Variants in GPHN observed in about 807,000 individuals in gnomAD.
The protein encoded by GPHN is gephyrin.
A neutral mutation model predicts 95.5 loss-of-function variants in GPHN; 17 were observed. The ratio of observed to expected loss-of-function variants is 0.18; its 90% CI spans 0.12 to 0.27. The LOEUF is 0.27. GPHN is among the 10% of genes least tolerant of loss of function. The pLI is 1.00. For missense variants in GPHN, 660 were observed against 978.1 expected, an observed-to-expected ratio of 0.67 and a Z score of 4.34; for synonymous variants, 320 against 322.5, an observed-to-expected ratio of 0.99 and a Z score of 0.08.
the GPHN span, chr14:67,585,761 AC>A: frequency 1.0e-6 from 1 of 998,968 alleles, no homozygotes; most frequent in South Asian, 1.5e-5. Context: ...TGGCTGCCCT[AC>A]CCCCACTCCT....
the GPHN span, chr14:67,312,465 G>T: frequency 8.5e-7 from 1 of 1,174,552 alleles, no homozygotes. Context: ...CATTTAAATT[G>T]TATTCATATG....
intron 11 of GPHN, among the ~76,000 whole-genome samples, chr14:67,078,819 G>T (rs1343985062): frequency 6.6e-6 from 1 of 152,022 alleles, no homozygotes; most frequent in East Asian, 1.9e-4. Flanking sequence ...TGCCGACTGG[G>T]AGCCCTTACC....
At position 66,749,999 on chromosome 14, in the gene GPHN, C is replaced by T. The variant is rs373312671; in HGVS notation, c.144-26465C>T. 8.6e-5 allele frequency among the ~76,000 whole-genome samples: 13 copies of T among 151,848 alleles called. No individual in the cohort carries two copies. In the East Asian group the frequency reaches 9.7e-4, roughly 11 times the overall value. On this transcript the variant is annotated intron_variant, in intron 2 of 22. Transcript: ENST00000478722. ...TCCTTTCTTTGTGTTACAAACAATC[C>T]ATTTATACTCTTTTAGTTATTTTTA...
chr14:67,531,908 T>TC, the GPHN span, among the ~76,000 whole-genome samples: 1 of 86,638 alleles, frequency 1.2e-5, no homozygotes, highest in East Asian at 2.9e-4. Flanking sequence ...AGAACCTATG[T>TC]CCAAAAAAAA....
chr14:66,971,211 C>T (rs2069745844), intron 9 of GPHN, among the ~76,000 whole-genome samples: 2 of 152,080 alleles, frequency 1.3e-5, no homozygotes, highest in Admixed American at 1.3e-4. Context: ...GCCTGTAATC[C>T]CAGGTACTCA....
chr14:67,023,252 T>C (rs555831044), intron 9 of GPHN, among the ~76,000 whole-genome samples: 1 of 152,202 alleles, frequency 6.6e-6, no homozygotes, highest in East Asian at 1.9e-4. Context: ...ACTTAATTAC[T>C]TGAATTTTAT....
At chr14:66,913,611 A>C (rs1330445510) in intron 5 of GPHN, among the ~76,000 whole-genome samples, 2 of 152,288 alleles carry the variant, frequency 1.3e-5, no homozygotes, top group African/African-American at 4.8e-5. Context: ...AAGTGCTGGG[A>C]TTACAGGCAT....
the GPHN span, chr14:67,340,367 A>G: frequency 7.8e-7 from 1 of 1,275,638 alleles, no homozygotes; most frequent in Non-Finnish European, 1.1e-6. Flanking sequence ...ATAAACCAAC[A>G]AGTCATTCAG....
intron 11 of GPHN, among the ~76,000 whole-genome samples, chr14:67,088,226 G>GA (rs1314841523): frequency 3.3e-5 from 5 of 151,796 alleles, no homozygotes; most frequent in African/African-American, 1.2e-4. Context: ...ATTCATTGTA[G>GA]AAAACGTGGA....
intron 8 of GPHN, among the ~76,000 whole-genome samples, chr14:66,948,670 G>C (rs1367974908): frequency 6.6e-6 from 1 of 152,148 alleles, no homozygotes; most frequent in Admixed American, 6.5e-5. Flanking sequence ...CCTGCTGGTT[G>C]TAATTGCTTA....
At chr14:67,016,342 C>T (rs2073310174) in intron 9 of GPHN, among the ~76,000 whole-genome samples, 1 of 151,780 alleles carries the variant, frequency 6.6e-6, no homozygotes, top group Non-Finnish European at 1.5e-5. Context: ...TAATAAATGC[C>T]TATTTTTAAA....
rs1185684493 is a variant in GPHN at position 66,686,043 on chromosome 14, G to A, written c.143+4858G>A. ...GCTTGTTTTTGTCAGGTTTGTCAAA[G>A]ATCAGATGGTTGTAGATGTGTGGCA... is the stretch of plus-strand genomic sequence containing the variant. On this transcript the variant is annotated intron_variant, in intron 2 of 22. Transcript: ENST00000478722. Among the ~76,000 whole-genome samples the A allele has an allele frequency of 2.0e-5, 3 of 152,206 alleles. No homozygotes were observed. The South Asian group carries it at 6.2e-4, about 31-fold the overall frequency.
At chr14:67,065,676 T>G (rs1030993719) in intron 11 of GPHN, among the ~76,000 whole-genome samples, 1 of 152,166 alleles carries the variant, frequency 6.6e-6, no homozygotes, top group Non-Finnish European at 1.5e-5. Flanking sequence ...CCCTTTACCA[T>G]TATATAATGG....
chr14:66,745,441 C>A (rs569595176), intron 2 of GPHN, among the ~76,000 whole-genome samples: 2 of 152,156 alleles, frequency 1.3e-5, no homozygotes, highest in East Asian at 3.9e-4. Flanking sequence ...ACAATAATAT[C>A]ATAAAATATA....
At chr14:66,676,134 T>C (rs1387351554) in intron 1 of GPHN, among the ~76,000 whole-genome samples, 2 of 152,088 alleles carry the variant, frequency 1.3e-5, no homozygotes, top group East Asian at 1.9e-4. Flanking sequence ...TTGTACCCAA[T>C]AGGTAATTTT....
At chr14:66,791,692 G>C (rs931862513) in intron 3 of GPHN, among the ~76,000 whole-genome samples, 5 of 152,182 alleles carry the variant, frequency 3.3e-5, no homozygotes, top group African/African-American at 1.2e-4. Context: ...AAGCCAACTA[G>C]AGGTCACTGT....
At chr14:67,575,641 T>C in the GPHN span, 18 of 702,444 alleles carry the variant, frequency 2.6e-5, no homozygotes, top group African/African-American at 2.8e-4. Context: ...GGGTCTCTGG[T>C]GCTTCTCCAA....
intron 1 of GPHN, among the ~76,000 whole-genome samples, chr14:66,588,243 C>T (rs1437334512): frequency 2.0e-5 from 3 of 151,900 alleles, no homozygotes; most frequent in Non-Finnish European, 4.4e-5. Flanking sequence ...AGGTCACCAA[C>T]ATCAAAGAAC....
chr14:67,262,276 T>C, the GPHN span, among the ~76,000 whole-genome samples: 1 of 152,194 alleles, frequency 6.6e-6, no homozygotes, highest in Non-Finnish European at 1.5e-5. Context: ...GTGTCCTGTC[T>C]AGCAGTTAAC....
Sources: gnomAD v4.1 joint callset for allele counts (sites outside exome capture counted in the v4.1 genomes callset) on GRCh38, gnomAD v4.1.1 for gene constraint, MANE v1.5 for transcripts, NCBI Gene and HGNC (gene_info 2026-07-23, HGNC 2026-07-21) for gene names.